Variants in COL22A1 observed in about 807,000 individuals in gnomAD.
COL22A1 encodes the protein collagen alpha-1(XXII) chain.
In COL22A1, 221 loss-of-function variants were observed where a neutral mutation model predicts 248.9. That is an observed-to-expected ratio of 0.89 (90% CI 0.80 to 0.99). The LOEUF is 0.99. Among genes scored for constraint, COL22A1 ranks in the 50% least tolerant of loss-of-function variants. COL22A1 has a pLI of 0.00. For missense variants in COL22A1, 2,240 were observed against 2,179.0 expected (o/e 1.03, Z -0.56); for synonymous variants, 891 against 793.4 (o/e 1.12, Z -2.07).
intron 1 of COL22A1, among the ~76,000 whole-genome samples, chr8:138,899,171 CCT>C (rs887117420): frequency 2.6e-5 from 4 of 152,132 alleles, no homozygotes; most frequent in East Asian, 1.9e-4. Context: ...TTCTACCCTC[CCT>C]GTTTTTATCC....
intron 4 of COL22A1, among the ~76,000 whole-genome samples, chr8:138,842,989 G>C (rs1820997652): frequency 6.6e-6 from 1 of 152,150 alleles, no homozygotes; most frequent in Non-Finnish European, 1.5e-5. Flanking sequence ...TTACCCTGGT[G>C]GATGACTGCC....
intron 3 of COL22A1, among the ~76,000 whole-genome samples, chr8:138,851,151 T>C (rs1821611417): frequency 6.6e-6 from 1 of 152,138 alleles, no homozygotes; most frequent in South Asian, 2.1e-4. Context: ...GTGATGGGGC[T>C]TTGGGAGCGG....
chr8:138,848,974 C>T (rs1022463464), intron 3 of COL22A1, among the ~76,000 whole-genome samples: 1 of 152,096 alleles, frequency 6.6e-6, no homozygotes, highest in Non-Finnish European at 1.5e-5. Flanking sequence ...GTGCAGCTAA[C>T]CACAGACAAG....
chr8:138,887,951 C>T (rs1471769701), intron 1 of COL22A1, among the ~76,000 whole-genome samples: 1 of 152,174 alleles, frequency 6.6e-6, no homozygotes, highest in Non-Finnish European at 1.5e-5. Flanking sequence ...GGCATTGTTG[C>T]TTGTTTCCCA....
chr8:138,904,988 T>G (rs1409509787), intron 1 of COL22A1, among the ~76,000 whole-genome samples: 1 of 152,198 alleles, frequency 6.6e-6, no homozygotes, highest in Non-Finnish European at 1.5e-5. Context: ...TAAGCCTCGG[T>G]TGCCTCATCT....
At chr8:138,825,012 T>C (rs2131777758) in intron 6 of COL22A1, among the ~76,000 whole-genome samples, 1 of 152,174 alleles carries the variant, frequency 6.6e-6, no homozygotes, top group Middle Eastern at 3.4e-3. Context: ...GCTCTGCAAA[T>C]GCCATGAAGG....
At chr8:138,822,587 C>A (rs534517519) in intron 6 of COL22A1, among the ~76,000 whole-genome samples, 6 of 152,266 alleles carry the variant, frequency 3.9e-5, no homozygotes, top group Middle Eastern at 3.4e-3. Context: ...TAGTCTTCAT[C>A]TGCTCTAATA....
At chr8:138,912,824 C>A (rs1815549111) in intron 1 of COL22A1, among the ~76,000 whole-genome samples, 1 of 152,068 alleles carries the variant, frequency 6.6e-6, no homozygotes, top group African/African-American at 2.4e-5. Flanking sequence ...GGAGGGGGAC[C>A]CGGCACACAG....
intron 22 of COL22A1, among the ~76,000 whole-genome samples, chr8:138,750,423 G>T (rs999842525): frequency 2.0e-5 from 3 of 152,168 alleles, no homozygotes; most frequent in Non-Finnish European, 4.4e-5. Flanking sequence ...GGTCAGAGTC[G>T]GCGCTGAATG....
chr8:138,858,599 C>T (rs913523426), intron 3 of COL22A1, among the ~76,000 whole-genome samples: 17 of 152,160 alleles, frequency 1.1e-4, no homozygotes, highest in African/African-American at 3.4e-4. Context: ...AAAACATTTC[C>T]CCAAACCTAG....
At chr8:138,827,987 C>G (rs1273490472) in intron 5 of COL22A1, 1 of 151,634 alleles carries the variant, frequency 6.6e-6, no homozygotes, top group Non-Finnish European at 1.5e-5. Context: ...TCATTGACAT[C>G]ACCCCCTCCC....
At chr8:138,644,975 G>T (rs1822069527) in intron 47 of COL22A1, among the ~76,000 whole-genome samples, 1 of 152,148 alleles carries the variant, frequency 6.6e-6, no homozygotes, top group African/African-American at 2.4e-5. Flanking sequence ...AGGTAGTCAT[G>T]TTCTTGGGAT....
intron 23 of COL22A1, among the ~76,000 whole-genome samples, chr8:138,726,510 AAAAG>A (rs1277437452): frequency 1.3e-5 from 2 of 151,128 alleles, no homozygotes; most frequent in East Asian, 1.9e-4. Context: ...AAAAAAAAAA[AAAAG>A]AAAGAAAAAA....
intron 46 of COL22A1, 135 bp downstream of exon 46, chr8:138,649,530 G>C: frequency 2.1e-6 from 3 of 1,440,994 alleles, no homozygotes; most frequent in Non-Finnish European, 2.8e-6. Context: ...TCACAACCCA[G>C]TACTCCTCAT....
chr8:138,642,722 T>A (rs1429406722), intron 47 of COL22A1, among the ~76,000 whole-genome samples: 1 of 152,168 alleles, frequency 6.6e-6, no homozygotes, highest in African/African-American at 2.4e-5. Context: ...TTGATATGAT[T>A]TTACTTCTTT....
At chr8:138,821,994 G>C (rs566539629) in intron 6 of COL22A1, among the ~76,000 whole-genome samples, 1 of 152,084 alleles carries the variant, frequency 6.6e-6, no homozygotes, top group South Asian at 2.1e-4. Flanking sequence ...TTTTGGAATG[G>C]GCAAATTCTG....
At chr8:138,634,033 T>C (rs755569822) in intron 49 of COL22A1, among the ~76,000 whole-genome samples, 1 of 152,212 alleles carries the variant, frequency 6.6e-6, no homozygotes, top group Non-Finnish European at 1.5e-5. Flanking sequence ...TTTACCTTTT[T>C]GTGAGTTTGC....
At chr8:138,840,489 G>A (rs1243043073) in intron 4 of COL22A1, among the ~76,000 whole-genome samples, 5 of 151,768 alleles carry the variant, frequency 3.3e-5, no homozygotes, top group African/African-American at 7.2e-5. Flanking sequence ...CACATATGTC[G>A]TAGACTAAGA....
chr8:138,615,513 G>A (rs953104187), intron 55 of COL22A1, among the ~76,000 whole-genome samples: 16 of 148,436 alleles, frequency 1.1e-4, no homozygotes, highest in Non-Finnish European at 1.8e-4. Flanking sequence ...CCTGGGCGAC[G>A]GAGTGAGACT....
Sources: allele counts gnomAD v4.1 joint callset (sites outside exome capture counted in the v4.1 genomes callset), GRCh38; gene constraint gnomAD v4.1.1; transcripts MANE v1.5; gene names NCBI Gene and HGNC (gene_info 2026-07-23, HGNC 2026-07-21).